Variants in GRK7 observed in about 807,000 individuals in gnomAD.
The protein encoded by GRK7 is G protein-coupled receptor kinase 7.
GRK7 carries 24 observed loss-of-function variants against 34.1 expected under a neutral mutation model. The ratio of observed to expected loss-of-function variants is 0.70; its 90% CI spans 0.51 to 0.99. The LOEUF (loss-of-function observed/expected upper bound fraction) is 0.99. Among genes scored for constraint, GRK7 ranks in the 50% least tolerant of loss-of-function variants. The probability of loss-of-function intolerance (pLI) is 0.00; values close to 1 mark genes in which losing one functional copy is unlikely to be tolerated. For synonymous variants in GRK7, 256 were observed against 279.4 expected (o/e 0.92, Z 0.84); for missense variants, 644 against 707.3 (o/e 0.91, Z 1.02).
chr3:141,768,431 C>A (rs2084600262), intron 1 of GRK7, among the ~76,000 whole-genome samples: 1 of 152,246 alleles, frequency 6.6e-6, no homozygotes, highest in African/African-American at 2.4e-5. Context: ...GCACCCACCA[C>A]CACACCTGGC....
intron 5 of GRK7, among the ~76,000 whole-genome samples, chr3:141,814,310 T>A (rs905836434): frequency 1.5e-4 from 23 of 152,182 alleles, no homozygotes; most frequent in African/African-American, 4.6e-4. Context: ...AGGTTTTGGA[T>A]GCAATTGAAT....
chr3:141,777,959 A>G (rs1183739891), intron 2 of GRK7, among the ~76,000 whole-genome samples: 5 of 152,228 alleles, frequency 3.3e-5, no homozygotes, highest in African/African-American at 1.2e-4. Flanking sequence ...ACACAGTTCT[A>G]GCTAGATATT....
At chr3:141,783,628 T>C (rs1264969291) in intron 4 of GRK7, among the ~76,000 whole-genome samples, 1 of 152,050 alleles carries the variant, frequency 6.6e-6, no homozygotes, top group Non-Finnish European at 1.5e-5. Flanking sequence ...GGAGGCTGGA[T>C]TGATCTAGAA....
At chr3:141,758,769 G>T (rs1295333488), upstream of GRK7, among the ~76,000 whole-genome samples, 6 of 148,330 alleles carry the variant, frequency 4.0e-5, no homozygotes, top group African/African-American at 1.5e-4. Flanking sequence ...TCACGATATT[G>T]ATTCTTCCAA....
intron 4 of GRK7, among the ~76,000 whole-genome samples, chr3:141,788,225 C>T (rs549018265): frequency 7.8e-4 from 118 of 152,254 alleles, no homozygotes; most frequent in Middle Eastern, 3.4e-3. Context: ...TGTTGTTCTA[C>T]AGGCAGTAGG....
intron 2 of GRK7, among the ~76,000 whole-genome samples, chr3:141,775,787 G>T (rs567731929): frequency 6.7e-6 from 1 of 149,596 alleles, no homozygotes; most frequent in Admixed American, 6.7e-5. Context: ...AGTTAATTTC[G>T]CCTGTTTTTT....
the GRK7 span, among the ~76,000 whole-genome samples, chr3:141,753,272 T>G: frequency 6.6e-6 from 1 of 152,240 alleles, no homozygotes; most frequent in Non-Finnish European, 1.5e-5. Flanking sequence ...CAAACTTCAT[T>G]TATAGAGATA....
At chr3:141,791,408 C>T (rs2107884657) in intron 4 of GRK7, among the ~76,000 whole-genome samples, 1 of 152,074 alleles carries the variant, frequency 6.6e-6, no homozygotes, top group South Asian at 2.1e-4. Flanking sequence ...TTAAGAAAGA[C>T]ATACAGGAGA....
In GRK7 at chr3:141,765,439, C is replaced by T. The variant is rs923418170; in HGVS notation, c.-514C>T. 2.0e-5 allele frequency among the ~76,000 whole-genome samples: 3 copies of T among 152,146 alleles called. No individual in the cohort carries two copies. Among genetic ancestry groups the T allele is most frequent in the Middle Eastern group, 3.2e-3 (1 of 316 alleles). On this transcript the variant is annotated 5_prime_UTR_variant, in exon 1 of 6. Transcript: ENST00000682958. ...GATTTTTCTTCACAGCACTTACCACCATCTGTGGTGGGTTGGAAAACATGG... is the reference window on the plus strand; with the variant it reads ...GATTTTTCTTCACAGCACTTACCACTATCTGTGGTGGGTTGGAAAACATGG...
In GRK7 at chr3:141,780,721, G is replaced by A. The variant is rs758819043; in HGVS notation, c.960G>A (p.Glu320=). The part of the protein sequence containing the change: ...LGIVYRDMKP[E]NVLLDDLGNC... ...TCGTCTATCGGGACATGAAGCCTGA[G>A]AATGTGCTTCTGGATGACCTCGGCA... The change falls in exon 4 of 6, where the codon GAG becomes GAA. Residue 320 remains glutamate (E), a synonymous_variant. Coordinates refer to ENST00000682958, the MANE Select transcript of GRK7 (RefSeq NM_139209.3). The A allele has an allele frequency of 5.0e-6, 8 of 1,614,208 alleles. No homozygotes were observed. Among genetic ancestry groups the A allele is most frequent in the South Asian group, 1.1e-5 (1 of 91,090 alleles).
Position 141,787,091 on chromosome 3 carries a change from T to C in GRK7, c.1050+6280T>C, listed in dbSNP as rs1184689081. On this transcript the variant is annotated intron_variant, in intron 4 of 5. Coordinates refer to ENST00000682958, the MANE Select transcript of GRK7 (RefSeq NM_139209.3). ...CACCACATACACTTGGAAGAGGACC[T>C]TGGGCTCCAGATCAGAATGTAGCCT... 2.6e-5 allele frequency among the ~76,000 whole-genome samples: 4 copies of C among 152,282 alleles called. No individual in the cohort carries two copies. The East Asian group carries it at 5.8e-4, about 22-fold the overall frequency.
At position 141,763,502 on chromosome 3, in the gene GRK7, C is replaced by T. The variant is rs997181966; in HGVS notation, c.-2451C>T. Among the ~76,000 whole-genome samples the T allele has an allele frequency of 3.3e-4, 51 of 152,260 alleles. No individual in the cohort carries two copies. Among genetic ancestry groups the T allele is most frequent in the African/African-American group, 9.1e-4 (38 of 41,560 alleles). Reference sequence around the variant, plus strand: ...CCTCTGCCAGCTCCACCTTCACAGACGAGGAACCAGGGCCCCAGTGCTGTG... The same window carrying T: ...CCTCTGCCAGCTCCACCTTCACAGATGAGGAACCAGGGCCCCAGTGCTGTG... On this transcript the variant is annotated 5_prime_UTR_variant, in exon 1 of 6. In the 5' UTR this introduces an upstream ATG that the reference lacks. Transcript: ENST00000682958.
At chr3:141,779,401 G>C (rs1216602411) in intron 3 of GRK7, among the ~76,000 whole-genome samples, 1 of 89,874 alleles carries the variant, frequency 1.1e-5, no homozygotes, top group Non-Finnish European at 2.0e-5. Context: ...GGGTGACAGA[G>C]CAAGACTCAA....
the GRK7 span, among the ~76,000 whole-genome samples, chr3:141,756,510 G>C: frequency 6.6e-6 from 1 of 152,174 alleles, no homozygotes; most frequent in Admixed American, 6.5e-5. Context: ...CTCTCAGCGA[G>C]GGGTATTGAC....
Position 141,778,128 on chromosome 3 carries a change from A to T in GRK7, c.-113-44A>T. On this transcript the variant is annotated intron_variant, in intron 2 of 5. Transcript: ENST00000682958. The surrounding 1 kb of genome is among the most constrained non-coding windows in gnomAD (Gnocchi z 4.1). ...TATACATAGCCAGTCAAAGCTTCTT[A>T]CAAGAGAAACCTCTTTCACACCCTC... 1.1e-6 allele frequency: 1 copy of T among 880,838 alleles called. No homozygotes were observed. Among genetic ancestry groups the T allele is most frequent in the Non-Finnish European group, 1.7e-6 (1 of 587,454 alleles). The allele number at this position is 880,838 out of a possible 1,614,324, so 54.6% of individuals were successfully genotyped here.
chr3:141,803,830 T>G (rs1710996504), intron 4 of GRK7, among the ~76,000 whole-genome samples: 1 of 152,160 alleles, frequency 6.6e-6, no homozygotes, highest in Non-Finnish European at 1.5e-5. Flanking sequence ...CAAGCGATTC[T>G]CCTGTCTCAG....
rs149573509 is a variant in GRK7 at position 141,814,057 on chromosome 3, T to A, written c.1326-2657T>A. Among the ~76,000 whole-genome samples the A allele has an allele frequency of 7.9e-5, 12 of 152,276 alleles. No homozygotes were observed. In the East Asian group the frequency reaches 2.3e-3, roughly 29 times the overall value. On this transcript the variant is annotated intron_variant, in intron 5 of 5. Transcript: ENST00000682958. Reference sequence around the variant, plus strand: ...CTGTTGTAGTTATCATCTGACATAGTGGGGAATCTCTGAAAGGAATATATG... The same window carrying A: ...CTGTTGTAGTTATCATCTGACATAGAGGGGAATCTCTGAAAGGAATATATG...
intron 4 of GRK7, among the ~76,000 whole-genome samples, chr3:141,799,351 G>A (rs539509758): frequency 2.0e-5 from 3 of 152,176 alleles, no homozygotes; most frequent in Non-Finnish European, 2.9e-5. Context: ...GGTGGGTCAC[G>A]CCTGTAATCC....
At chr3:141,787,013 G>A (rs1246033906) in intron 4 of GRK7, among the ~76,000 whole-genome samples, 1 of 152,144 alleles carries the variant, frequency 6.6e-6, no homozygotes. Context: ...CTGACAGCCA[G>A]CAAGGAAACA....
Sources: allele counts gnomAD v4.1 joint callset (sites outside exome capture counted in the v4.1 genomes callset), GRCh38; gene constraint gnomAD v4.1.1; non-coding constraint Gnocchi (gnomAD v3.1); transcripts MANE v1.5; gene names NCBI Gene and HGNC (gene_info 2026-07-23, HGNC 2026-07-21).